The following MYO18B variants were observed in gnomAD, a reference collection of about 807,000 sequenced individuals.
MYO18B encodes the protein unconventional myosin-XVIIIb.
In MYO18B, 204 loss-of-function variants were observed where a neutral mutation model predicts 273.0. That is an observed-to-expected ratio of 0.75 (90% CI 0.67 to 0.84). The LOEUF (loss-of-function observed/expected upper bound fraction) is 0.84, where lower values mean the gene tolerates loss of function less well. Among genes scored for constraint, MYO18B ranks in the 40% least tolerant of loss-of-function variants. MYO18B has a pLI of 0.00. For missense variants in MYO18B, 3,212 were observed against 3,287.6 expected (o/e 0.98, Z 0.56); for synonymous variants, 1,330 against 1,305.7 (o/e 1.02, Z -0.40).
At chr22:25,913,996 CATCTAGATTTT>C (rs1199568335) in intron 33 of MYO18B, among the ~76,000 whole-genome samples, 1 of 152,098 alleles carries the variant, frequency 6.6e-6, no homozygotes, top group Non-Finnish European at 1.5e-5. Context: ...GTCTCTAATC[CATCTAGATTTT>C]ATTGGGGTGC....
rs780287472 is a variant in MYO18B at position 25,772,491 on chromosome 22, C to T, written c.1850C>T (p.Ser617Leu). 9.9e-6 allele frequency: 16 copies of T among 1,613,634 alleles called. No individual in the cohort carries two copies. The highest frequency in any genetic ancestry group is 4.5e-5 in the East Asian group (2 of 44,890). Residue 617 changes from serine (S) to leucine (L), a missense_variant, in exon 7 of 44, where the codon TCG (serine) becomes TTG (leucine). By Grantham distance (145) the Ser-to-Leu change is moderately radical. Transcript: ENST00000335473. The part of the protein sequence containing the change: ...DLIVLQPRGP[S>L]VPSAGKVPKG... ...ATTGTCCTCCAGCCCCGGGGGCCCT[C>T]GGTGCCTTCTGCAGGGAAGGTGAGG...
At chr22:25,902,852 T>C (rs2091966316) in intron 30 of MYO18B, 116 bp downstream of exon 30, 1 of 1,191,778 alleles carries the variant, frequency 8.4e-7, no homozygotes, top group Non-Finnish European at 1.2e-6. Flanking sequence ...GGTATCCTGG[T>C]CTGTCAAGCA....
intron 34 of MYO18B, among the ~76,000 whole-genome samples, chr22:25,926,884 A>G (rs2092429230): frequency 6.6e-6 from 1 of 152,202 alleles, no homozygotes; most frequent in African/African-American, 2.4e-5. Context: ...TAAAGATTCC[A>G]TGGACATTTA....
intron 1 of MYO18B, among the ~76,000 whole-genome samples, chr22:25,755,344 T>A (rs866765341): frequency 5.6e-4 from 86 of 152,254 alleles, no homozygotes; most frequent in African/African-American, 2.0e-3. Flanking sequence ...GTAGCTGAGA[T>A]TACAGGCATG....
intron 10 of MYO18B, 97 bp from the exon 11 acceptor site, chr22:25,785,331 G>A (rs925754110): frequency 3.3e-6 from 4 of 1,197,828 alleles, no homozygotes; most frequent in African/African-American, 1.5e-5. Context: ...TGGGGTGTCC[G>A]GGCAGTTGTG....
chr22:25,806,819 T>C (rs2088500095), intron 12 of MYO18B, among the ~76,000 whole-genome samples: 1 of 152,328 alleles, frequency 6.6e-6, no homozygotes, highest in South Asian at 2.1e-4. Context: ...TTCCCAGAAC[T>C]GGACAGAGAA....
intron 25 of MYO18B, among the ~76,000 whole-genome samples, chr22:25,889,141 CT>C (rs956966773): frequency 2.6e-5 from 4 of 151,372 alleles, no homozygotes; most frequent in African/African-American, 7.3e-5. Context: ...GGAAATTTGC[CT>C]TTTTTTCCCC....
intron 33 of MYO18B, among the ~76,000 whole-genome samples, chr22:25,912,475 G>A (rs1015779420): frequency 3.3e-5 from 5 of 152,312 alleles, no homozygotes; most frequent in African/African-American, 7.2e-5. Flanking sequence ...AATTTTACAT[G>A]TAAAGAGAAG....
intron 21 of MYO18B, among the ~76,000 whole-genome samples, chr22:25,852,419 GAATA>G (rs1350087603): frequency 1.3e-5 from 2 of 152,122 alleles, no homozygotes; most frequent in Non-Finnish European, 2.9e-5. Flanking sequence ...ATGAATGAAT[GAATA>G]CCCAGACCTA....
intron 39 of MYO18B, among the ~76,000 whole-genome samples, chr22:25,991,826 C>T (rs756564407): frequency 1.3e-5 from 2 of 152,190 alleles, no homozygotes; most frequent in Non-Finnish European, 2.9e-5. Flanking sequence ...ATCGCGCTTG[C>T]CTGTTCTGGA....
intron 42 of MYO18B, among the ~76,000 whole-genome samples, chr22:26,010,575 G>A (rs564570201): frequency 6.6e-6 from 1 of 152,296 alleles, no homozygotes; most frequent in Non-Finnish European, 1.5e-5. Context: ...CAGAGCTGAA[G>A]AATTAACAAC....
chr22:25,976,263 T>A (rs1480967509), intron 39 of MYO18B, among the ~76,000 whole-genome samples: 3 of 152,206 alleles, frequency 2.0e-5, no homozygotes, highest in South Asian at 2.1e-4. Context: ...CTCAAGACAC[T>A]GCTCAGTGTC....
At chr22:25,748,684 C>T (rs1011647716) in intron 1 of MYO18B, among the ~76,000 whole-genome samples, 1 of 152,182 alleles carries the variant, frequency 6.6e-6, no homozygotes, top group East Asian at 1.9e-4. Flanking sequence ...CTTTTCTCTT[C>T]CTTCCTCCCT....
chr22:25,900,780 G>T, intron 29 of MYO18B: 1 of 152,504 alleles, frequency 6.6e-6, no homozygotes, highest in Non-Finnish European at 1.5e-5. Context: ...TTAAGTCAAG[G>T]ACTCCTCTGC....
At chr22:26,046,119 T>C in the MYO18B span, among the ~76,000 whole-genome samples, 1 of 152,240 alleles carries the variant, frequency 6.6e-6, no homozygotes, top group Admixed American at 6.5e-5. Flanking sequence ...TCAGTTTGTA[T>C]TGAGTAGCAC....
At chr22:26,033,794 CTCCT>C (rs1556007464), downstream of MYO18B, among the ~76,000 whole-genome samples, 3 of 109,680 alleles carry the variant, frequency 2.7e-5, no homozygotes, top group East Asian at 4.2e-4. Context: ...TTTTCTGTCT[CTCCT>C]TCCTTCCTTT....
At chr22:25,995,421 A>G (rs1174643856) in intron 40 of MYO18B, among the ~76,000 whole-genome samples, 1 of 152,240 alleles carries the variant, frequency 6.6e-6, no homozygotes, top group Non-Finnish European at 1.5e-5. Context: ...TGTAACACAA[A>G]GGATAATTGC....
intron 12 of MYO18B, among the ~76,000 whole-genome samples, chr22:25,814,073 T>C (rs1601776006): frequency 6.6e-6 from 1 of 152,218 alleles, no homozygotes; most frequent in East Asian, 1.9e-4. Context: ...TGCTCAGAAG[T>C]GGCGATGCTG....
At chr22:25,772,266 G>C in intron 6 of MYO18B, 68 bp from the exon 7 acceptor site, 1 of 1,492,240 alleles carries the variant, frequency 6.7e-7, no homozygotes, top group Non-Finnish European at 9.1e-7. Context: ...GGTTGCGGGG[G>C]GGTGGGGTGG....
Sources: allele counts gnomAD v4.1 joint callset (sites outside exome capture counted in the v4.1 genomes callset), GRCh38; gene constraint gnomAD v4.1.1; transcripts MANE v1.5; gene names NCBI Gene and HGNC (gene_info 2026-07-23, HGNC 2026-07-21).